ANKRD10: variants seen among roughly 807,000 people sequenced by gnomAD.
The protein encoded by ANKRD10 is ankyrin repeat domain-containing protein 10.
ANKRD10 carries 14 observed loss-of-function variants against 27.0 expected under a neutral mutation model. The ratio of observed to expected loss-of-function variants is 0.52; its 90% confidence interval spans 0.34 to 0.81. The LOEUF is 0.81. Ranked by LOEUF, ANKRD10 falls within the 40% of genes least tolerant of loss-of-function variation. The pLI, the probability that ANKRD10 is intolerant of heterozygous loss-of-function variation, is 0.01. For synonymous variants in ANKRD10, 250 were observed against 224.5 expected (o/e 1.11, Z -1.01); for missense variants, 493 against 544.0 (o/e 0.91, Z 0.93).
At chr13:110,885,665 G>A (rs1011583549) in intron 4 of ANKRD10, among the ~76,000 whole-genome samples, 1 of 152,148 alleles carries the variant, frequency 6.6e-6, no homozygotes, top group South Asian at 2.1e-4. Context: ...TTCATGGCAC[G>A]CAGACACAGA....
chr13:110,915,022 G>C lies in ANKRD10; in HGVS notation c.-88C>G. 5 of 1,465,390 alleles carry C rather than the reference G, an allele frequency of 3.4e-6. No individual in the cohort carries two copies. Among genetic ancestry groups the C allele is most frequent in the African/African-American group, 1.4e-5 (1 of 70,330 alleles). The allele number at this position is 1,465,390 out of a possible 1,614,324, so 90.8% of individuals were successfully genotyped here. ...AGCCGCCGCCGCAGCACAAAGGAAC[G>C]AGACTAGCGCCGCGGTCGCGTCCCA... On this transcript the variant is annotated 5_prime_UTR_variant, in exon 1 of 6. Coordinates refer to ENST00000267339, the MANE Select transcript of ANKRD10 (RefSeq NM_017664.4).
chr13:110,888,043 A>C, intron 4 of ANKRD10, among the ~76,000 whole-genome samples: 1 of 152,160 alleles, frequency 6.6e-6, no homozygotes, highest in East Asian at 1.9e-4. Flanking sequence ...TTTTTCTATT[A>C]TGAGGTGACC....
chr13:110,891,982 G>A (rs1043867898), intron 4 of ANKRD10, among the ~76,000 whole-genome samples: 12 of 149,522 alleles, frequency 8.0e-5, no homozygotes, highest in African/African-American at 3.0e-4. Context: ...CAAAGTGCTG[G>A]GATTACAGGT....
At chr13:110,887,631 G>C (rs986678775) in intron 4 of ANKRD10, among the ~76,000 whole-genome samples, 1 of 152,214 alleles carries the variant, frequency 6.6e-6, no homozygotes, top group African/African-American at 2.4e-5. Context: ...AGCCATACTG[G>C]TTATATTCCC....
At chr13:110,904,821 AG>A (rs2065484103) in intron 3 of ANKRD10, among the ~76,000 whole-genome samples, 1 of 152,244 alleles carries the variant, frequency 6.6e-6, no homozygotes, top group Non-Finnish European at 1.5e-5. Context: ...TTATAATACC[AG>A]ATCACTATAT....
chr13:110,879,752 G>A lies in ANKRD10; in HGVS notation c.1148C>T (p.Thr383Ile). ...GTTCAGTTCTGGGATGCTTTCAGCA[G>A]TGTCCCCAAACCCGTGGTAGTGTCC... ...YYGHYHGFGD[T>I]AESIPELNSV... Residue 383 changes from threonine to isoleucine, a missense_variant, in exon 6 of 6, where the codon ACT becomes ATT. Thr to Ile is a moderately conservative substitution (Grantham distance 89). Coordinates refer to ENST00000267339, the MANE Select transcript of ANKRD10 (RefSeq NM_017664.4). 6.2e-7 allele frequency: 1 copy of A among 1,614,270 alleles called. No individual in the cohort carries two copies. The highest frequency in any genetic ancestry group is 8.5e-7 in the Non-Finnish European group (1 of 1,180,056).
intron 3 of ANKRD10, among the ~76,000 whole-genome samples, chr13:110,900,012 G>A (rs923855083): frequency 6.6e-6 from 1 of 152,148 alleles, no homozygotes; most frequent in Admixed American, 6.5e-5. Context: ...AGAAGTTTGA[G>A]ACCAGCCTAG....
rs1485524109 is a variant in ANKRD10, at chr13:110,889,879, G to C, written c.691+3149C>G. ...AAACAGAACGCACTAAGTTTTATTG[G>C]TAAGATACAAGTTACGCAGCCAAGA... is the stretch of plus-strand genomic sequence containing the variant. On this transcript the variant is annotated intron_variant, in intron 4 of 5. Coordinates refer to ENST00000267339, the MANE Select transcript of ANKRD10 (RefSeq NM_017664.4). Among the ~76,000 whole-genome samples, 3 of 152,192 alleles carry C rather than the reference G, an allele frequency of 2.0e-5. No individual in the cohort carries two copies. In the East Asian group the frequency reaches 5.8e-4, roughly 29 times the overall value.
At chr13:110,882,366 C>T (rs1228991973) in intron 5 of ANKRD10, among the ~76,000 whole-genome samples, 1 of 152,156 alleles carries the variant, frequency 6.6e-6, no homozygotes, top group African/African-American at 2.4e-5. Context: ...TGCCATGTCC[C>T]ACAAGGAAAG....
chr13:110,885,335 G>C, intron 4 of ANKRD10, among the ~76,000 whole-genome samples: 1 of 152,104 alleles, frequency 6.6e-6, no homozygotes, highest in Middle Eastern at 3.4e-3. Flanking sequence ...GGTGGATCAC[G>C]AGGTCAAGAG....
Position 110,914,880 on chromosome 13 carries a change from G to C in ANKRD10, c.55C>G (p.Leu19Val), listed in dbSNP as rs1205827155. The C allele has an allele frequency of 6.5e-7, 1 of 1,544,314 alleles. No homozygotes were observed. Among genetic ancestry groups the C allele is most frequent in the Non-Finnish European group, 8.7e-7 (1 of 1,147,994 alleles). The change falls in exon 1 of 6, where the codon CTG becomes GTG. Residue 19 changes from leucine to valine, a missense_variant. Coordinates refer to ENST00000267339, the MANE Select transcript of ANKRD10 (RefSeq NM_017664.4). ...GVEAGFSSEE[L>V]LSLRFPLHRA... Reference sequence around the variant, plus strand: ...TGCAGCGGGAAACGGAGCGAGAGCAGCTCCTCGCTGGAGAAGCCCGCCTCT... The same window carrying C: ...TGCAGCGGGAAACGGAGCGAGAGCACCTCCTCGCTGGAGAAGCCCGCCTCT...
At chr13:110,900,766 C>T (rs1459712758) in intron 3 of ANKRD10, 2 of 1,044,828 alleles carry the variant, frequency 1.9e-6, no homozygotes, top group Non-Finnish European at 2.7e-6. Context: ...GGCAATGGTT[C>T]ATAATACAGG....
rs77584682 is a variant in ANKRD10 at position 110,907,996 on chromosome 13, A to G, written c.364-1872T>C. Among the ~76,000 whole-genome samples, 1,073 of 152,324 alleles carry G rather than the reference A, an allele frequency of 7.0e-3. 17 individuals carry two copies. Among genetic ancestry groups the G allele is most frequent in the African/African-American group, 0.025 (1,045 of 41,562 alleles). The stretch of plus-strand genomic sequence containing the variant: ...CAAAACTACCAAGCTCTGCAGGGAC[A>G]ATCTTTAGGGGCAGAGCAAACACTA... On this transcript the variant is annotated intron_variant, in intron 2 of 5. Coordinates refer to ENST00000267339, the MANE Select transcript of ANKRD10 (RefSeq NM_017664.4).
chr13:110,914,921 C>T lies in ANKRD10; in HGVS notation c.14G>A (p.Gly5Glu). ...GCCCGCCTCTACGCCCGCGCCCGCT[C>T]CCGCCGCCGACATGGTCCGTCACCG... Reference protein sequence around the residue: MSAAGAGAGVEAGFS... With the variant: MSAAEAGAGVEAGFS... The change falls in exon 1 of 6, where the codon GGA becomes GAA. Residue 5 changes from glycine (G) to glutamate (E), a missense_variant. By Grantham distance (98) the Gly-to-Glu change is moderately conservative. Transcript: ENST00000267339. The T allele has an allele frequency of 2.6e-6, 4 of 1,534,154 alleles. No individual in the cohort carries two copies. Among genetic ancestry groups the T allele is most frequent in the African/African-American group, 1.4e-5 (1 of 72,914 alleles).
intron 3 of ANKRD10, chr13:110,903,664 T>C (rs535355014): frequency 2.3e-4 from 35 of 152,662 alleles, no homozygotes; most frequent in Non-Finnish European, 4.4e-4. Context: ...GCACTTTATG[T>C]AGCAGATATA....
At chr13:110,900,188 G>A (rs1346570297) in intron 3 of ANKRD10, among the ~76,000 whole-genome samples, 2 of 152,148 alleles carry the variant, frequency 1.3e-5, no homozygotes, top group Admixed American at 1.3e-4. Flanking sequence ...TCCACTTATA[G>A]TGCCACAATT....
At chr13:110,898,886 G>C (rs2065305965) in intron 3 of ANKRD10, among the ~76,000 whole-genome samples, 1 of 151,114 alleles carries the variant, frequency 6.6e-6, no homozygotes, top group Non-Finnish European at 1.5e-5. Context: ...CTCCCGAGTA[G>C]CTGGTATTAC....
intron 3 of ANKRD10, chr13:110,905,240 A>G (rs932282056): frequency 6.6e-6 from 1 of 152,244 alleles, no homozygotes; most frequent in Non-Finnish European, 1.5e-5. Flanking sequence ...TGAACTGCAG[A>G]AGAAAAATTT....
intron 1 of ANKRD10, among the ~76,000 whole-genome samples, chr13:110,912,221 C>T (rs1022964963): frequency 6.6e-6 from 1 of 152,220 alleles, no homozygotes; most frequent in Non-Finnish European, 1.5e-5. Context: ...TGACTGCAAG[C>T]AATTCTCTTC....
Sources: allele counts gnomAD v4.1 joint callset (sites outside exome capture counted in the v4.1 genomes callset), GRCh38; gene constraint gnomAD v4.1.1; transcripts MANE v1.5; gene names NCBI Gene and HGNC (gene_info 2026-07-23, HGNC 2026-07-21).